KCNQ1: variants seen among roughly 807,000 people sequenced by gnomAD.
KCNQ1 encodes the protein potassium voltage-gated channel subfamily Q member 1.
A neutral mutation model predicts 72.4 loss-of-function variants in KCNQ1; 49 were observed. That is an observed-to-expected ratio of 0.68 (90% CI 0.54 to 0.86). The LOEUF (loss-of-function observed/expected upper bound fraction) is 0.86. Among genes scored for constraint, KCNQ1 ranks in the 40% least tolerant of loss-of-function variants. KCNQ1 has a pLI of 0.00. For synonymous variants in KCNQ1, 450 were observed against 412.6 expected (o/e 1.09, Z -1.10); for missense variants, 790 against 945.1 (o/e 0.84, Z 2.15).
rs987866455 is a variant in KCNQ1, at chr11:2,592,191, G to C, written c.1393+3337G>C. ...GCCCCTTCAGCTCGTGCTCTAGCTG[G>C]TGCTGTGCGGTGTTGGCCCCATTTA... On this transcript the variant is annotated intron_variant, in intron 10 of 15. Transcript: ENST00000155840. The surrounding 1 kb of genome is among the most constrained non-coding windows in gnomAD (Gnocchi z 5.2). Among the ~76,000 whole-genome samples the C allele has an allele frequency of 2.6e-5, 4 of 152,254 alleles. No homozygotes were observed. The highest frequency in any genetic ancestry group is 6.5e-5 in the Admixed American group (1 of 15,288).
In KCNQ1 at chr11:2,717,796, G is replaced by A. The variant is rs896720370; in HGVS notation, c.1515-51048G>A. Among the ~76,000 whole-genome samples the A allele has an allele frequency of 5.3e-5, 8 of 152,312 alleles. No individual in the cohort carries two copies. The South Asian group carries it at 1.7e-3, about 32-fold the overall frequency. ...GGTAGACAGGAAAGCAGCTCACAGC[G>A]GCTGGAGAGCAGGGAGCACACGCCT... is the stretch of plus-strand genomic sequence containing the variant. On this transcript the variant is annotated intron_variant, in intron 11 of 15. Transcript: ENST00000155840.
At chr11:2,633,028 C>T (rs1849388310) in intron 10 of KCNQ1, 1 of 398,206 alleles carries the variant, frequency 2.5e-6, no homozygotes, top group African/African-American at 2.1e-5. Flanking sequence ...ATTTATAGTC[C>T]CACAAATAGT....
Position 2,617,502 on chromosome 11 carries a change from C to T in KCNQ1, c.1393+28648C>T. On this transcript the variant is annotated intron_variant, in intron 10 of 15. Transcript: ENST00000155840. The surrounding 1 kb of genome is among the most constrained non-coding windows in gnomAD (Gnocchi z 4.6). ...GTAAGTTTTCATATCGTGACTCATG[C>T]ATATAATGCCACAATGAATATAGGA... The T allele has an allele frequency of 2.5e-6, 1 of 398,420 alleles. No homozygotes were observed. 24.7% of individuals were successfully genotyped at this position (398,420 alleles called of 1,614,324 possible).
chr11:2,830,401 C>T lies in KCNQ1; in HGVS notation c.1795-17366C>T, dbSNP rs78503325. ...ATATCTTAGATGATCTCCAAGGCCC[C>T]GGGATCTAAGTCCCTGTTAAGTCCC... On this transcript the variant is annotated intron_variant, in intron 15 of 15. Coordinates refer to ENST00000155840, the MANE Select transcript of KCNQ1 (RefSeq NM_000218.3). The surrounding 1 kb of genome is among the most constrained non-coding windows in gnomAD (Gnocchi z 7.7). Among the ~76,000 whole-genome samples, 4,066 of 152,140 alleles carry T rather than the reference C, an allele frequency of 0.027. 114 individuals carry two copies. The highest frequency in any genetic ancestry group is 0.077 in the African/African-American group (3,210 of 41,478).
At chr11:2,503,154 C>T (rs1018685378) in intron 1 of KCNQ1, among the ~76,000 whole-genome samples, 2 of 152,176 alleles carry the variant, frequency 1.3e-5, no homozygotes, top group Non-Finnish European at 2.9e-5. Context: ...CCTACAAGCA[C>T]AGGCAACCGA....
intron 10 of KCNQ1, among the ~76,000 whole-genome samples, chr11:2,590,323 A>G (rs148175584): frequency 5.3e-4 from 81 of 152,370 alleles, no homozygotes; most frequent in African/African-American, 1.9e-3. Flanking sequence ...GTGTTCTGAT[A>G]CAAAGATGGC....
chr11:2,820,855 C>T (rs890856206), intron 15 of KCNQ1, among the ~76,000 whole-genome samples: 4 of 152,204 alleles, frequency 2.6e-5, no homozygotes, highest in Non-Finnish European at 5.9e-5. Context: ...CCTCCACATC[C>T]CCTGGCTCTT....
intron 11 of KCNQ1, among the ~76,000 whole-genome samples, chr11:2,751,838 G>T (rs899548792): frequency 1.3e-5 from 2 of 152,268 alleles, no homozygotes; most frequent in African/African-American, 4.8e-5. Flanking sequence ...CAGGGTGAGG[G>T]CAAAATGGCA....
At position 2,734,747 on chromosome 11, in the gene KCNQ1, C is replaced by T. The variant is rs980431827; in HGVS notation, c.1515-34097C>T. Among the ~76,000 whole-genome samples, 2 of 151,528 alleles carry T rather than the reference C, an allele frequency of 1.3e-5. No homozygotes were observed. Among genetic ancestry groups the T allele is most frequent in the African/African-American group, 2.4e-5 (1 of 41,144 alleles). On this transcript the variant is annotated intron_variant, in intron 11 of 15. Coordinates refer to ENST00000155840, the MANE Select transcript of KCNQ1 (RefSeq NM_000218.3). This position sits in a 1 kb window ranked among gnomAD's most constrained non-coding sequence, Gnocchi z 7.0. ...CTGGAAGCTGCTATGTAGACAGAAG[C>T]GAGGGCAAGACCACCGCTCCTCCGC...
rs1850009633 is a variant in KCNQ1, at chr11:2,663,626, G to C, written c.1514+1545G>C. 1 of 398,566 alleles carries C rather than the reference G, an allele frequency of 2.5e-6. No individual in the cohort carries two copies. Among genetic ancestry groups the C allele is most frequent in the Admixed American group, 4.4e-5 (1 of 22,724 alleles). The allele number at this position is 398,566 out of a possible 1,614,324, so 24.7% of individuals were successfully genotyped here. A position where few individuals can be genotyped will look rare whatever the true frequency, so the allele number is the denominator to read the frequency against. On this transcript the variant is annotated intron_variant, in intron 11 of 15. Coordinates refer to ENST00000155840, the MANE Select transcript of KCNQ1 (RefSeq NM_000218.3). This position sits in a 1 kb window ranked among gnomAD's most constrained non-coding sequence, Gnocchi z 5.2. ...TCTCTTGGTCACGGACCAGCATCCAGACATGCAAAAAGTCCTACTGGGAGG... is the reference window on the plus strand; with the variant it reads ...TCTCTTGGTCACGGACCAGCATCCACACATGCAAAAAGTCCTACTGGGAGG...
chr11:2,623,428 C>G lies in KCNQ1; in HGVS notation c.1393+34574C>G. 1 of 398,610 alleles carries G rather than the reference C, an allele frequency of 2.5e-6. No individual in the cohort carries two copies. 24.7% of individuals were successfully genotyped at this position (398,610 alleles called of 1,614,324 possible). On this transcript the variant is annotated intron_variant, in intron 10 of 15. Coordinates refer to ENST00000155840, the MANE Select transcript of KCNQ1 (RefSeq NM_000218.3). The surrounding 1 kb of genome is among the most constrained non-coding windows in gnomAD (Gnocchi z 5.2). ...TACTCTGTGCACTGCCTATTCAACC[C>G]TTCTTCCCCAACAACCCTTGGCAAC...
At chr11:2,583,336 G>C in intron 6 of KCNQ1, 99 bp from the exon 7 acceptor site, 6 of 849,906 alleles carry the variant, frequency 7.1e-6, no homozygotes, top group Non-Finnish European at 1.2e-5. Context: ...GTCTCTTGCC[G>C]GCCTCTCCGC....
At chr11:2,744,103 G>A (rs1411637276) in intron 11 of KCNQ1, among the ~76,000 whole-genome samples, 2 of 152,232 alleles carry the variant, frequency 1.3e-5, no homozygotes, top group African/African-American at 2.4e-5. Context: ...CACCCTCTTG[G>A]CCGCATTCTG....
At position 2,595,159 on chromosome 11, in the gene KCNQ1, T is replaced by G. The variant is rs144924971; in HGVS notation, c.1393+6305T>G. Among the ~76,000 whole-genome samples, 24 of 152,280 alleles carry G rather than the reference T, an allele frequency of 1.6e-4. No homozygotes were observed. The highest frequency in any genetic ancestry group is 5.8e-4 in the African/African-American group (24 of 41,554). ...GAGAGCAAGTCTAAGTAACATATAT[T>G]GAGAAGAGAGTTTTATTTTATAAAA... On this transcript the variant is annotated intron_variant, in intron 10 of 15. Transcript: ENST00000155840. This position sits in a 1 kb window ranked among gnomAD's most constrained non-coding sequence, Gnocchi z 5.0.
At chr11:2,718,954 G>T (rs1479481884) in intron 11 of KCNQ1, among the ~76,000 whole-genome samples, 1 of 152,256 alleles carries the variant, frequency 6.6e-6, no homozygotes, top group Non-Finnish European at 1.5e-5. Context: ...GCTATTCCAA[G>T]AGTTACTGAA....
rs761012323 is a variant in KCNQ1 at position 2,768,939 on chromosome 11, T to C, written c.1590+20T>C. Reference sequence around the variant, plus strand: ...TTCCAGGTAAGCCCTGTGCTGAGCCTTCCTGCCCTCAGCCTGCCCCTCGCA... The same window carrying C: ...TTCCAGGTAAGCCCTGTGCTGAGCCCTCCTGCCCTCAGCCTGCCCCTCGCA... On this transcript the variant is annotated intron_variant, in intron 12 of 15. Coordinates refer to ENST00000155840, the MANE Select transcript of KCNQ1 (RefSeq NM_000218.3). This position sits in a 1 kb window ranked among gnomAD's most constrained non-coding sequence, Gnocchi z 6.7. 11 of 1,597,136 alleles carry C rather than the reference T, an allele frequency of 6.9e-6. No homozygotes were observed. In the East Asian group the frequency reaches 2.5e-4, roughly 36 times the overall value.
rs1849180872 is a variant in KCNQ1 at position 2,621,972 on chromosome 11, A to G, written c.1393+33118A>G. 1 of 397,996 alleles carries G rather than the reference A, an allele frequency of 2.5e-6. No individual in the cohort carries two copies. 24.7% of individuals were successfully genotyped at this position (397,996 alleles called of 1,614,324 possible). A position where few individuals can be genotyped will look rare whatever the true frequency, so the allele number is the denominator to read the frequency against. On this transcript the variant is annotated intron_variant, in intron 10 of 15. Coordinates refer to ENST00000155840, the MANE Select transcript of KCNQ1 (RefSeq NM_000218.3). The surrounding 1 kb of genome is among the most constrained non-coding windows in gnomAD (Gnocchi z 5.7). ...GAGGTACAATTTTGGGCTATTTGAA[A>G]TATCTCTTCTTTTTTAATGTAGGCA...
chr11:2,461,577 C>T (rs771365652), intron 1 of KCNQ1: 87 of 1,355,598 alleles, frequency 6.4e-5, no homozygotes, highest in Non-Finnish European at 8.1e-5. Context: ...GCCCAGATCA[C>T]GGCTGCTTTT....
In KCNQ1 at chr11:2,507,315, C is replaced by G. The variant is rs1002393021; in HGVS notation, c.387-20613C>G. On this transcript the variant is annotated intron_variant, in intron 1 of 15. Transcript: ENST00000155840. This position sits in a 1 kb window ranked among gnomAD's most constrained non-coding sequence, Gnocchi z 5.4. ...TGGCTGGGGCCTTCACGAGGCCCCTCTGGCCTCTAAGTGGAGCATGGAGTG... is the reference window on the plus strand; with the variant it reads ...TGGCTGGGGCCTTCACGAGGCCCCTGTGGCCTCTAAGTGGAGCATGGAGTG... Among the ~76,000 whole-genome samples the G allele has an allele frequency of 1.3e-5, 2 of 152,174 alleles. No homozygotes were observed. The highest frequency in any genetic ancestry group is 3.9e-4 in the East Asian group (2 of 5,182).
Sources: allele counts gnomAD v4.1 joint callset (sites outside exome capture counted in the v4.1 genomes callset), GRCh38; gene constraint gnomAD v4.1.1; non-coding constraint Gnocchi (gnomAD v3.1); transcripts MANE v1.5; gene names NCBI Gene and HGNC (gene_info 2026-07-23, HGNC 2026-07-21).